AKT3: variants seen among roughly 807,000 people sequenced by gnomAD.
AKT3 encodes the protein AKT serine/threonine kinase 3.
Under a neutral mutation model 65.3 loss-of-function variants are expected in AKT3, and 15 were observed. The observed-to-expected ratio is 0.23, with a 90% CI of 0.15 to 0.35. AKT3 has a LOEUF of 0.35. Among genes scored for constraint, AKT3 ranks in the 10% least tolerant of loss-of-function variants. The pLI is 1.00. For missense variants in AKT3, 243 were observed against 576.5 expected, an observed-to-expected ratio of 0.42 and a Z score of 5.92; for synonymous variants, 206 against 183.8, an observed-to-expected ratio of 1.12 and a Z score of -0.98.
rs1156291522 is a variant in AKT3 at position 243,501,168 on chromosome 1, C to T, written c.*4081G>A. 2 of 231,246 alleles carry T rather than the reference C, an allele frequency of 8.6e-6. No individual in the cohort carries two copies. The highest frequency in any genetic ancestry group is 1.7e-5 in the Non-Finnish European group (2 of 116,934). 14.3% of individuals were successfully genotyped at this position (231,246 alleles called of 1,614,324 possible). ...GTCTGGCTTCGTCACAGGAGCAAAG[C>T]CAAGTTTCTACAATAGTAGCTTTAT... On this transcript the variant is annotated 3_prime_UTR_variant, in exon 14 of 14. Coordinates refer to ENST00000673466, the MANE Select transcript of AKT3 (RefSeq NM_005465.7).
Position 243,512,441 on chromosome 1 carries a change from A to C in AKT3, c.1252-15T>G, listed in dbSNP as rs1471033401. The C allele has an allele frequency of 6.8e-7, 1 of 1,463,088 alleles. No individual in the cohort carries two copies. The highest frequency in any genetic ancestry group is 9.4e-7 in the Non-Finnish European group (1 of 1,068,472). The allele number at this position is 1,463,088 out of a possible 1,614,324, so 90.6% of individuals were successfully genotyped here. A position where few individuals can be genotyped will look rare whatever the true frequency, so the allele number is the denominator to read the frequency against. ...GGAGGTACAAGCTGTAAAAAGAAAG[A>C]AAAAGAGTTTTATTAACTGATTTCA... On this transcript the variant is annotated splice_polypyrimidine_tract_variant and intron_variant, in intron 12 of 13. Transcript: ENST00000673466.
At chr1:243,517,442 A>G (rs542710858) in intron 12 of AKT3, among the ~76,000 whole-genome samples, 1 of 152,134 alleles carries the variant, frequency 6.6e-6, no homozygotes, top group East Asian at 1.9e-4. Flanking sequence ...AAATGTGTCT[A>G]TTTTTCCTTA....
At chr1:243,582,749 T>G (rs1260621076) in intron 8 of AKT3, among the ~76,000 whole-genome samples, 1 of 152,040 alleles carries the variant, frequency 6.6e-6, no homozygotes, top group Non-Finnish European at 1.5e-5. Flanking sequence ...GATCAAAACA[T>G]CACATAACAG....
At chr1:243,637,835 C>A in intron 5 of AKT3, 93 bp from the exon 6 acceptor site, 1 of 766,598 alleles carries the variant, frequency 1.3e-6, no homozygotes, top group South Asian at 3.0e-5. Flanking sequence ...CCACTCAAAA[C>A]CAAATTTTAC....
Position 243,795,475 on chromosome 1 carries a change from G to GTTTTTTTTTTTTTTT in AKT3, c.46+47649_46+47650insAAAAAAAAAAAAAAA, listed in dbSNP as rs369512939. Among the ~76,000 whole-genome samples, 15 of 88,000 alleles carry GTTTTTTTTTTTTTTT rather than the reference G, an allele frequency of 1.7e-4. 2 individuals are homozygous for GTTTTTTTTTTTTTTT. Among genetic ancestry groups the GTTTTTTTTTTTTTTT allele is most frequent in the Admixed American group, 2.5e-4 (2 of 7,870 alleles). 57.7% of individuals were successfully genotyped at this position (88,000 alleles called of 152,430 possible). ...TTTTTTTTTTTTGTTTTTTTTTTTT[G>GTTTTTTTTTTTTTTT]GTTTTTTTTTTTTTGAGACGGAGTC... On this transcript the variant is annotated intron_variant, in intron 2 of 13. Coordinates refer to ENST00000673466, the MANE Select transcript of AKT3 (RefSeq NM_005465.7).
intron 2 of AKT3, among the ~76,000 whole-genome samples, chr1:243,798,072 C>T (rs12031328): frequency 4.0e-5 from 6 of 151,218 alleles, no homozygotes; most frequent in East Asian, 2.0e-4. Flanking sequence ...TTAGTAGAGA[C>T]GGGGTTTCAC....
intron 2 of AKT3, among the ~76,000 whole-genome samples, chr1:243,840,110 G>T (rs2148470526): frequency 6.6e-6 from 1 of 152,268 alleles, no homozygotes; most frequent in Middle Eastern, 3.4e-3. Context: ...GGCGGAGGTT[G>T]CAGTGAGCCG....
rs145457842 is a variant in AKT3, at chr1:243,788,444, C to T, written c.46+54681G>A. On this transcript the variant is annotated intron_variant, in intron 2 of 13. Transcript: ENST00000673466. ...TATCCCTGGGTATTCGTGGGGGGGA[C>T]TGATTCCGGGACCCACTAAGGATAC... is the stretch of plus-strand genomic sequence containing the variant. Among the ~76,000 whole-genome samples the T allele has an allele frequency of 3.6e-3, 548 of 152,254 alleles. 3 individuals carry two copies. The highest frequency in any genetic ancestry group is 6.0e-3 in the Admixed American group (91 of 15,286).
At chr1:243,629,824 T>C (rs924291119) in intron 6 of AKT3, among the ~76,000 whole-genome samples, 1 of 152,060 alleles carries the variant, frequency 6.6e-6, no homozygotes, top group Non-Finnish European at 1.5e-5. Context: ...ATGGGAGATA[T>C]GCAGCAATGC....
rs540681423 is a variant in AKT3 at position 243,665,302 on chromosome 1, C to G, written c.173-419G>C. On this transcript the variant is annotated intron_variant, in intron 3 of 13. Transcript: ENST00000673466. The stretch of plus-strand genomic sequence containing the variant: ...CCATAACACCTCGCCCTAGACTGAC[C>G]ATTTCATCCTCTCTATTCTCTTTAC... 2.6e-5 allele frequency among the ~76,000 whole-genome samples: 4 copies of G among 152,262 alleles called. No individual in the cohort carries two copies. In the South Asian group the frequency reaches 8.3e-4, roughly 32 times the overall value.
At position 243,506,959 on chromosome 1, in the gene AKT3, G is replaced by A. The variant is rs1189024594; in HGVS notation, c.1355-1625C>T. ...GGAATGATGGTGTACCCGTGGTTGA[G>A]CCCCAGAGTATAAAAACTCTCTAGA... On this transcript the variant is annotated intron_variant, in intron 13 of 13. Coordinates refer to ENST00000673466, the MANE Select transcript of AKT3 (RefSeq NM_005465.7). Among the ~76,000 whole-genome samples the A allele has an allele frequency of 4.6e-5, 7 of 152,330 alleles. No homozygotes were observed. The East Asian group carries it at 7.7e-4, about 17-fold the overall frequency.
Position 243,832,185 on chromosome 1 carries a change from C to T in AKT3, c.46+10940G>A, listed in dbSNP as rs998634094. 3.1e-5 allele frequency among the ~76,000 whole-genome samples: 4 copies of T among 128,874 alleles called. No homozygotes were observed. In the Admixed American group the frequency reaches 3.2e-4, roughly 10 times the overall value. 84.5% of individuals were successfully genotyped at this position (128,874 alleles called of 152,430 possible). A position where few individuals can be genotyped will look rare whatever the true frequency, so the allele number is the denominator to read the frequency against. ...AAAAAGACTAGATAACTTTTAAAGT[C>T]ACTTCTAGGTTGAAATTCTACATAT... On this transcript the variant is annotated intron_variant, in intron 2 of 13. Transcript: ENST00000673466.
intron 2 of AKT3, among the ~76,000 whole-genome samples, chr1:243,772,092 G>A (rs1382419980): frequency 1.3e-5 from 2 of 152,158 alleles, no homozygotes; most frequent in Admixed American, 6.5e-5. Context: ...AACCCTAGAA[G>A]AAAACCTGGG....
chr1:243,581,992 T>A (rs2148526802), intron 8 of AKT3, among the ~76,000 whole-genome samples: 1 of 151,908 alleles, frequency 6.6e-6, no homozygotes, highest in South Asian at 2.1e-4. Context: ...AAGAAAGACT[T>A]GCAGAGCCTG....
intron 12 of AKT3, among the ~76,000 whole-genome samples, chr1:243,527,466 T>C (rs1024146804): frequency 8.5e-5 from 13 of 152,188 alleles, no homozygotes; most frequent in African/African-American, 3.1e-4. Flanking sequence ...GTGCTTTATA[T>C]AATACTTATA....
chr1:243,722,993 C>T (rs1458022), intron 2 of AKT3, among the ~76,000 whole-genome samples: 118,707 of 152,056 alleles, frequency 0.78, 47,265 homozygotes, highest in Non-Finnish European at 0.86. Flanking sequence ...CATTAGTTTA[C>T]AAGTAATAAT....
In AKT3 at chr1:243,501,141, C is replaced by T. The variant is rs2148336219; in HGVS notation, c.*4108G>A. On this transcript the variant is annotated 3_prime_UTR_variant, in exon 14 of 14. Transcript: ENST00000673466. ...CACTCTGGTCCCAAAAGCCATTCCTCTGTCTGGCTTCGTCACAGGAGCAAA... is the reference window on the plus strand; with the variant it reads ...CACTCTGGTCCCAAAAGCCATTCCTTTGTCTGGCTTCGTCACAGGAGCAAA... The T allele has an allele frequency of 4.3e-6, 1 of 231,458 alleles. No individual in the cohort carries two copies. Among genetic ancestry groups the T allele is most frequent in the African/African-American group, 2.2e-5 (1 of 45,344 alleles). The allele number at this position is 231,458 out of a possible 1,614,324, so 14.3% of individuals were successfully genotyped here. A position where few individuals can be genotyped will look rare whatever the true frequency, so the allele number is the denominator to read the frequency against.
chr1:243,647,779 T>C (rs1222958908), intron 4 of AKT3, among the ~76,000 whole-genome samples: 4 of 152,216 alleles, frequency 2.6e-5, no homozygotes, highest in Non-Finnish European at 4.4e-5. Flanking sequence ...AGACCTGCAG[T>C]ACAAAGTTAA....
intron 2 of AKT3, among the ~76,000 whole-genome samples, chr1:243,758,893 C>T (rs1260417741): frequency 2.6e-5 from 4 of 152,142 alleles, no homozygotes; most frequent in African/African-American, 9.7e-5. Context: ...GGGGACACCT[C>T]ATCTAGAGTC....
Sources: allele counts gnomAD v4.1 joint callset (sites outside exome capture counted in the v4.1 genomes callset), GRCh38; gene constraint gnomAD v4.1.1; transcripts MANE v1.5; gene names NCBI Gene and HGNC (gene_info 2026-07-23, HGNC 2026-07-21).